The following ALOX12B variants were observed in gnomAD, a reference collection of about 807,000 sequenced individuals.
ALOX12B encodes arachidonate 12-lipoxygenase, 12R type.
In ALOX12B, 47 loss-of-function variants were observed where a neutral mutation model predicts 78.9. The observed-to-expected ratio is 0.60, with a 90% CI of 0.47 to 0.76. The LOEUF (loss-of-function observed/expected upper bound fraction) is 0.76, where lower values mean the gene tolerates loss of function less well. Ranked by LOEUF, ALOX12B falls within the 30% of genes least tolerant of loss-of-function variation. ALOX12B has a pLI of 0.00. For missense variants in ALOX12B, 805 were observed against 922.6 expected (o/e 0.87, Z 1.65); for synonymous variants, 370 against 374.5 (o/e 0.99, Z 0.14).
chr17:8,073,424 C>A, intron 13 of ALOX12B, 106 bp from the exon 14 acceptor site: 1 of 1,506,888 alleles, frequency 6.6e-7, no homozygotes, highest in Non-Finnish European at 9.1e-7. Context: ...GGACTCCCCG[C>A]CCTTGGCGCT....
chr17:8,085,912 G>A lies in ALOX12B; in HGVS notation c.352+104C>T, dbSNP rs114101696. The A allele has an allele frequency of 1.2e-3, 1,667 of 1,371,048 alleles. 23 individuals are homozygous for A. In the African/African-American group the frequency reaches 0.021, roughly 17 times the overall value. The allele number at this position is 1,371,048 out of a possible 1,614,324, so 84.9% of individuals were successfully genotyped here. ...GAGCCCAGGAGTCCCTGGTGGGGCT[G>A]GGCCCCCCTCTGGCTTGATGGGAGC... On this transcript the variant is annotated intron_variant, in intron 2 of 14. Transcript: ENST00000647874.
intron 2 of ALOX12B, among the ~76,000 whole-genome samples, chr17:8,084,516 C>A (rs1978291612): frequency 6.6e-6 from 1 of 152,214 alleles, no homozygotes; most frequent in South Asian, 2.1e-4. Flanking sequence ...TCCTGCCTGG[C>A]CACCAGCATC....
intron 12 of ALOX12B, among the ~76,000 whole-genome samples, chr17:8,075,272 G>A (rs961703302): frequency 6.6e-6 from 1 of 152,182 alleles, no homozygotes; most frequent in Non-Finnish European, 1.5e-5. Context: ...TCCCGTTGGA[G>A]CTCATACCCC....
chr17:8,079,452 G>C lies in ALOX12B; in HGVS notation c.1015C>G (p.Pro339Ala), dbSNP rs1977158385. 4 of 1,551,190 alleles carry C rather than the reference G, an allele frequency of 2.6e-6. No homozygotes were observed. The highest frequency in any genetic ancestry group is 3.5e-6 in the Non-Finnish European group (4 of 1,147,038). Residue 339 changes from proline (P) to alanine (A), a missense_variant, in exon 8 of 15, where the codon CCC (proline) becomes GCC (alanine). Pro to Ala is a conservative substitution (Grantham distance 27, BLOSUM62 -1). Coordinates refer to ENST00000647874, the MANE Select transcript of ALOX12B (RefSeq NM_001139.3). The surrounding 1 kb of genome is among the most constrained non-coding windows in gnomAD (Gnocchi z 6.4). ...LSGRKQHHCAPLCLLHFGPEG... is the reference protein window; with the variant it reads ...LSGRKQHHCAALCLLHFGPEG... ...GGTCCAAAGTGCAGCAGGCAGAGGG[G>C]GGCGCAGTGGTGCTGCTTCCGGCCG...
chr17:8,073,576 C>G (rs140009603), intron 13 of ALOX12B, 81 bp downstream of exon 13: 3 of 1,321,176 alleles, frequency 2.3e-6, no homozygotes, highest in Non-Finnish European at 3.3e-6. Flanking sequence ...ATGGCTGAGG[C>G]TGGGTTTGAG....
Position 8,080,641 on chromosome 17 carries a change from C to T in ALOX12B, c.650+17G>A, listed in dbSNP as rs1390938868. The stretch of plus-strand genomic sequence containing the variant: ...CTTGCAGGAGCCCTCGTTCTCCCGT[C>T]ACTCACACGGACTCACATGGGCCCC... On this transcript the variant is annotated intron_variant, in intron 5 of 14. Transcript: ENST00000647874. The surrounding 1 kb of genome is among the most constrained non-coding windows in gnomAD (Gnocchi z 4.8). The T allele has an allele frequency of 6.2e-7, 1 of 1,613,928 alleles. No individual in the cohort carries two copies. The highest frequency in any genetic ancestry group is 1.3e-5 in the African/African-American group (1 of 74,928).
Position 8,073,647 on chromosome 17 carries a change from C to T in ALOX12B, c.1755+10G>A. On this transcript the variant is annotated intron_variant, in intron 13 of 14. Transcript: ENST00000647874. ...TCGGGCTGGGCCTGGGTTGGTGAGA[C>T]CACCGGTACCTGGCCTGTGTTGACA... 6.2e-7 allele frequency: 1 copy of T among 1,613,450 alleles called. No homozygotes were observed. The highest frequency in any genetic ancestry group is 1.1e-5 in the South Asian group (1 of 91,052).
chr17:8,073,559 A>C (rs939417506), intron 13 of ALOX12B, 98 bp downstream of exon 13: 6 of 1,203,460 alleles, frequency 5.0e-6, no homozygotes, highest in African/African-American at 1.5e-5. Context: ...AGGCTGGACC[A>C]GGGATTATGG....
rs752870717 is a variant in ALOX12B, at chr17:8,080,256, C to T, written c.733G>A (p.Gly245Ser). ...RLKDIRKIFP[G>S]KKSVVSEYVA... ...ATACCGGAGACGACAGATTTCTTGC[C>T]AGGGAAAATTTTCCTAATGTCCTTC... Residue 245 changes from glycine (G) to serine (S), a missense_variant, in exon 6 of 15, where the codon GGC (glycine) becomes AGC (serine). Transcript: ENST00000647874. This position sits in a 1 kb window ranked among gnomAD's most constrained non-coding sequence, Gnocchi z 4.8. The T allele has an allele frequency of 6.2e-7, 1 of 1,614,218 alleles. No homozygotes were observed. The highest frequency in any genetic ancestry group is 1.3e-5 in the African/African-American group (1 of 75,064).
chr17:8,080,901 G>A lies in ALOX12B; in HGVS notation c.510C>T (p.Arg170=). ...GTCCTTACTCAGGCCGGTTGGGGTT[G>A]CGATGCCTCCGCACCGGAGGGCGGT... The part of the protein sequence containing the change: ...PSYRPPVRRH[R]NPNRPEWNGY... Residue 170 remains arginine (R), a synonymous_variant, in exon 4 of 15, where the codon CGC becomes CGT. Coordinates refer to ENST00000647874, the MANE Select transcript of ALOX12B (RefSeq NM_001139.3). This position sits in a 1 kb window ranked among gnomAD's most constrained non-coding sequence, Gnocchi z 4.8. The A allele has an allele frequency of 6.2e-7, 1 of 1,613,986 alleles. No individual in the cohort carries two copies. The highest frequency in any genetic ancestry group is 8.5e-7 in the Non-Finnish European group (1 of 1,180,022).
chr17:8,085,197 C>G lies in ALOX12B; in HGVS notation c.352+819G>C, dbSNP rs780477826. On this transcript the variant is annotated intron_variant, in intron 2 of 14. Transcript: ENST00000647874. ...ACATCCCATCAGTCTAAAAAATGCT[C>G]AATTAGAAAACTGGGGCTCATGCCT... 3.3e-5 allele frequency among the ~76,000 whole-genome samples: 5 copies of G among 152,148 alleles called. No individual in the cohort carries two copies. In the East Asian group the frequency reaches 9.6e-4, roughly 29 times the overall value.
chr17:8,077,283 G>C, intron 8 of ALOX12B, 90 bp from the exon 9 acceptor site: 1 of 1,352,842 alleles, frequency 7.4e-7, no homozygotes, highest in Non-Finnish European at 1.0e-6. Flanking sequence ...AAGGGAGTAT[G>C]AGAAGGTGAA....
intron 13 of ALOX12B, among the ~76,000 whole-genome samples, 166 bp downstream of exon 13, chr17:8,073,489 TGA>T (rs997266020): frequency 5.3e-5 from 8 of 151,926 alleles, no homozygotes; most frequent in African/African-American, 1.9e-4. Context: ...GGGCTGGGGC[TGA>T]GAGTTGGGGC....
At chr17:8,075,822 C>T (rs1567981301) in intron 11 of ALOX12B, 106 bp from the exon 12 acceptor site, 1 of 1,584,190 alleles carries the variant, frequency 6.3e-7, no homozygotes, top group East Asian at 2.2e-5. Context: ...GGCCCCAGAG[C>T]TGCCCCAGGC....
chr17:8,080,439 A>C lies in ALOX12B; in HGVS notation c.651-101T>G. 1.4e-6 allele frequency: 2 copies of C among 1,448,976 alleles called. No homozygotes were observed. Among genetic ancestry groups the C allele is most frequent in the Non-Finnish European group, 1.9e-6 (2 of 1,031,724 alleles). 89.8% of individuals were successfully genotyped at this position (1,448,976 alleles called of 1,614,324 possible). ...CCATCCACTTAGGTCTCTGGGTCTC[A>C]GGGTCTGTGCGTCGCAAAGTCTCTG... On this transcript the variant is annotated intron_variant, in intron 5 of 14. Coordinates refer to ENST00000647874, the MANE Select transcript of ALOX12B (RefSeq NM_001139.3). The surrounding 1 kb of genome is among the most constrained non-coding windows in gnomAD (Gnocchi z 4.8).
intron 2 of ALOX12B, chr17:8,081,541 A>C (rs1433861644): frequency 5.1e-6 from 2 of 390,270 alleles, no homozygotes; most frequent in African/African-American, 4.2e-5. Context: ...CCCATCACCC[A>C]AATAAAGTAT....
chr17:8,081,559 C>CTGT, intron 2 of ALOX12B: 1 of 329,606 alleles, frequency 3.0e-6, no homozygotes, highest in South Asian at 3.2e-5. Context: ...TATATTGTAC[C>CTGT]CATTAAGTAA....
At chr17:8,086,476 C>T (rs1344174873) in intron 1 of ALOX12B, among the ~76,000 whole-genome samples, 1 of 152,200 alleles carries the variant, frequency 6.6e-6, no homozygotes. Context: ...CAGCTCCTGT[C>T]TTCTCCCACT....
chr17:8,076,266 G>T lies in ALOX12B; in HGVS notation c.1441C>A (p.Leu481Ile). 2 of 1,614,136 alleles carry T rather than the reference G, an allele frequency of 1.2e-6. No individual in the cohort carries two copies. Among genetic ancestry groups the T allele is most frequent in the Non-Finnish European group, 1.7e-6 (2 of 1,180,022 alleles). ...LSELTYDSLY[L>I]PNDFVERGVQ... ...CCACGCTCCACAAAGTCATTGGGGA[G>T]GTAGAGGCTGTCATAGGTGAGCTCC... Residue 481 changes from leucine to isoleucine, a missense_variant, in exon 11 of 15, where the codon CTC becomes ATC. Coordinates refer to ENST00000647874, the MANE Select transcript of ALOX12B (RefSeq NM_001139.3).
Sources: gnomAD v4.1 joint callset for allele counts (sites outside exome capture counted in the v4.1 genomes callset) on GRCh38, gnomAD v4.1.1 for gene constraint, Gnocchi (gnomAD v3.1) non-coding constraint, MANE v1.5 for transcripts, NCBI Gene and HGNC (gene_info 2026-07-23, HGNC 2026-07-21) for gene names.